Variants in CDCP1 observed in about 807,000 individuals in gnomAD.
The protein encoded by CDCP1 is CUB domain containing protein 1, also known as CUB domain-containing protein 1.
Under a neutral mutation model 60.2 loss-of-function variants are expected in CDCP1, and 29 were observed. The ratio of observed to expected loss-of-function variants is 0.48; its 90% CI spans 0.36 to 0.66. The LOEUF (loss-of-function observed/expected upper bound fraction) is 0.66. Among genes scored for constraint, CDCP1 ranks in the 30% least tolerant of loss-of-function variants. The pLI is 0.00. For missense variants in CDCP1, 876 were observed against 1,074.3 expected (o/e 0.82, Z 2.58); for synonymous variants, 387 against 431.1 (o/e 0.90, Z 1.27).
chr3:45,103,668 T>C (rs941300404), intron 4 of CDCP1, among the ~76,000 whole-genome samples: 1 of 152,218 alleles, frequency 6.6e-6, no homozygotes, highest in Non-Finnish European at 1.5e-5. Context: ...GTTAGTTCCA[T>C]GGGAGTGGAT....
intron 8 of CDCP1, 50 bp from the exon 9 acceptor site, chr3:45,086,117 G>T (rs775846351): frequency 1.3e-6 from 2 of 1,507,200 alleles, no homozygotes; most frequent in African/African-American, 2.7e-5. Context: ...AAGAATCTTC[G>T]ATGGGTACCA....
intron 2 of CDCP1, among the ~76,000 whole-genome samples, 167 bp from the exon 3 acceptor site, chr3:45,112,612 A>G (rs574518937): frequency 6.6e-6 from 1 of 152,322 alleles, no homozygotes; most frequent in Admixed American, 6.5e-5. Flanking sequence ...TTAGTGGCCA[A>G]TGGCTCACAG....
intron 1 of CDCP1, among the ~76,000 whole-genome samples, chr3:45,121,773 C>G (rs1037764414): frequency 3.3e-5 from 5 of 152,112 alleles, no homozygotes; most frequent in Non-Finnish European, 5.9e-5. Context: ...ACCTTGTATA[C>G]AAATGCCAAA....
Position 45,112,227 on chromosome 3 carries a change from C to A in CDCP1, c.511G>T (p.Val171Leu). ...CTGCAGAAGGTTCCGATCCTGACCA[C>A]GGTGGCATCGATTCGGCCGCTGATG... is the stretch of plus-strand genomic sequence containing the variant. Reference protein sequence around the residue: ...HSISGRIDATVVRIGTFCSNG... With the variant: ...HSISGRIDATLVRIGTFCSNG... The change falls in exon 3 of 9, where the codon GTG (valine) becomes TTG (leucine). Residue 171 changes from valine to leucine, a missense_variant. By Grantham distance (32) the Val-to-Leu change is conservative (BLOSUM62 1). This residue lies in a region of CDCP1 where 726 missense variants were observed against 935.7 expected (regional missense o/e 0.78). Coordinates refer to ENST00000296129, the MANE Select transcript of CDCP1 (RefSeq NM_022842.5). 1 of 1,614,196 alleles carries A rather than the reference C, an allele frequency of 6.2e-7. No individual in the cohort carries two copies. Among genetic ancestry groups the A allele is most frequent in the Non-Finnish European group, 8.5e-7 (1 of 1,180,032 alleles).
At chr3:45,140,220 G>A (rs1699265414) in intron 1 of CDCP1, among the ~76,000 whole-genome samples, 2 of 152,168 alleles carry the variant, frequency 1.3e-5, no homozygotes, top group South Asian at 2.1e-4. Flanking sequence ...ACAACAGCCC[G>A]ACTTCAACTC....
chr3:45,093,377 C>T lies in CDCP1; in HGVS notation c.1527G>A (p.Val509=). Residue 509 remains valine, a synonymous_variant, in exon 6 of 9, where the codon GTG becomes GTA. Coordinates refer to ENST00000296129, the MANE Select transcript of CDCP1 (RefSeq NM_022842.5). ...GAAGGGTCACCGAGATGTTCTGCTT[C>T]ACCTGGATCTGCTTGATAGAGCCTC... ...CPGGSIKQIQ[V]KQNISVTLRT... is the part of the protein sequence containing the mutation. 1.9e-6 allele frequency: 3 copies of T among 1,614,228 alleles called. No individual in the cohort carries two copies. The highest frequency in any genetic ancestry group is 2.5e-6 in the Non-Finnish European group (3 of 1,180,050).
At chr3:45,141,745 T>A (rs1699293743) in intron 1 of CDCP1, among the ~76,000 whole-genome samples, 1 of 152,192 alleles carries the variant, frequency 6.6e-6, no homozygotes, top group Admixed American at 6.5e-5. Flanking sequence ...GCCCGGGAGA[T>A]GAAAATTACA....
Position 45,089,109 on chromosome 3 carries a change from C to T in CDCP1, c.2026G>A (p.Gly676Ser). 1 of 1,614,102 alleles carries T rather than the reference C, an allele frequency of 6.2e-7. No individual in the cohort carries two copies. Among genetic ancestry groups the T allele is most frequent in the Non-Finnish European group, 8.5e-7 (1 of 1,180,002 alleles). The change falls in exon 8 of 9, where the codon GGT becomes AGT. Residue 676 changes from glycine to serine, a missense_variant. By Grantham distance (56) the Gly-to-Ser change is moderately conservative. Transcript: ENST00000296129. Reference protein sequence around the residue: ...LTVILIAAVGGGVLLLSALGL... With the variant: ...LTVILIAAVGSGVLLLSALGL... ...AGGGCAGACAGCAGTAAGACTCCAC[C>T]TCCCACCGCTGCGATGAGGATGACA...
At chr3:45,109,670 A>G (rs962510524) in intron 4 of CDCP1, among the ~76,000 whole-genome samples, 2 of 151,946 alleles carry the variant, frequency 1.3e-5, no homozygotes, top group African/African-American at 4.8e-5. Context: ...CCAGGCACCT[A>G]GGGAGCAAAG....
intron 1 of CDCP1, among the ~76,000 whole-genome samples, chr3:45,126,023 C>CA: frequency 6.6e-6 from 1 of 152,340 alleles, no homozygotes; most frequent in East Asian, 1.9e-4. Context: ...CAGGGTACCA[C>CA]AATGAGCTGC....
intron 4 of CDCP1, among the ~76,000 whole-genome samples, chr3:45,108,275 G>A (rs1195584305): frequency 1.3e-5 from 2 of 152,104 alleles, no homozygotes; most frequent in African/African-American, 4.8e-5. Flanking sequence ...AGGCAGTCCA[G>A]CCCAACCTAA....
At chr3:45,137,641 T>C in intron 1 of CDCP1, among the ~76,000 whole-genome samples, 1 of 94,742 alleles carries the variant, frequency 1.1e-5, no homozygotes, top group South Asian at 4.0e-4. Flanking sequence ...ACCCCATCTC[T>C]ATTAAAAATA....
At chr3:45,128,233 A>C (rs970844672) in intron 1 of CDCP1, among the ~76,000 whole-genome samples, 3 of 152,210 alleles carry the variant, frequency 2.0e-5, no homozygotes, top group African/African-American at 7.2e-5. Flanking sequence ...AGGGCAGGGA[A>C]GAAGGCCCGA....
intron 8 of CDCP1, among the ~76,000 whole-genome samples, chr3:45,086,479 C>T (rs530572846): frequency 3.9e-5 from 6 of 152,324 alleles, no homozygotes; most frequent in East Asian, 3.9e-4. Context: ...TCAATCCTCC[C>T]GCACTCTTAG....
intron 2 of CDCP1, 88 bp from the exon 3 acceptor site, chr3:45,112,533 G>T: frequency 6.5e-7 from 1 of 1,528,060 alleles, no homozygotes; most frequent in Non-Finnish European, 8.8e-7. Context: ...CCCTGTAGTA[G>T]ACTCTTTGGG....
intron 4 of CDCP1, among the ~76,000 whole-genome samples, chr3:45,098,302 G>A (rs752311022): frequency 4.6e-5 from 7 of 152,040 alleles, no homozygotes; most frequent in Admixed American, 6.6e-5. Context: ...AGGTTCAAGC[G>A]ATTCTCCTGC....
At chr3:45,127,374 G>T (rs1025813884) in intron 1 of CDCP1, among the ~76,000 whole-genome samples, 6 of 152,180 alleles carry the variant, frequency 3.9e-5, no homozygotes, top group Non-Finnish European at 1.5e-5. Context: ...TCTGCCCGGG[G>T]GGTGTGGGCA....
chr3:45,093,245 A>G (rs1410557517), intron 6 of CDCP1, 32 bp downstream of exon 6: 1 of 1,583,854 alleles, frequency 6.3e-7, no homozygotes, highest in Non-Finnish European at 8.6e-7. Flanking sequence ...CTTAAACTAA[A>G]GGGGCATGGA....
intron 4 of CDCP1, among the ~76,000 whole-genome samples, chr3:45,096,271 T>C (rs956659020): frequency 1.3e-5 from 2 of 152,160 alleles, no homozygotes; most frequent in African/African-American, 2.4e-5. Flanking sequence ...GAGACCACCT[T>C]ATACTGGAAT....
Sources: allele counts gnomAD v4.1 joint callset (sites outside exome capture counted in the v4.1 genomes callset), GRCh38; gene constraint gnomAD v4.1.1; regional missense constraint gnomAD v4.1.1; transcripts MANE v1.5; gene names NCBI Gene and HGNC (gene_info 2026-07-23, HGNC 2026-07-21).